Variants in SLC24A3 observed in about 807,000 individuals in gnomAD.
SLC24A3 encodes the protein sodium/potassium/calcium exchanger 3.
Under a neutral mutation model 75.8 loss-of-function variants are expected in SLC24A3, and 28 were observed. The observed-to-expected ratio is 0.37, with a 90% CI of 0.27 to 0.51. SLC24A3 has a LOEUF of 0.51. Ranked by LOEUF, SLC24A3 falls within the 20% of genes least tolerant of loss-of-function variation. The pLI is 0.94. For missense variants in SLC24A3, 663 were observed against 847.8 expected, an observed-to-expected ratio of 0.78 and a Z score of 2.71; for synonymous variants, 372 against 334.1, an observed-to-expected ratio of 1.11 and a Z score of -1.24.
chr20:19,427,032 T>C (rs1987018860), intron 2 of SLC24A3, among the ~76,000 whole-genome samples: 1 of 152,102 alleles, frequency 6.6e-6, no homozygotes, highest in African/African-American at 2.4e-5. Context: ...AAGATATGCA[T>C]GTATGTGTGT....
chr20:19,352,055 A>C (rs937788122), intron 2 of SLC24A3, among the ~76,000 whole-genome samples: 68 of 134,938 alleles, frequency 5.0e-4, no homozygotes, highest in Non-Finnish European at 2.0e-4. Context: ...AGGACAGGGC[A>C]GGGGAGGGGC....
At chr20:19,628,189 C>A (rs6046212) in intron 6 of SLC24A3, among the ~76,000 whole-genome samples, 2 of 123,336 alleles carry the variant, frequency 1.6e-5, no homozygotes, top group Non-Finnish European at 3.2e-5. Flanking sequence ...GGCGACACAG[C>A]GAGACTCCAT....
intron 2 of SLC24A3, among the ~76,000 whole-genome samples, chr20:19,300,868 C>T (rs780506066): frequency 6.6e-6 from 1 of 152,092 alleles, no homozygotes. Context: ...CACTGTCTGG[C>T]TGCGAGAAGT....
chr20:19,319,696 G>A (rs1370847993), intron 2 of SLC24A3, among the ~76,000 whole-genome samples: 2 of 152,214 alleles, frequency 1.3e-5, no homozygotes, highest in Admixed American at 1.3e-4. Flanking sequence ...AATGGGCCAT[G>A]GGGGAGGCGG....
chr20:19,564,704 C>T lies in SLC24A3; in HGVS notation c.349-15296C>T, dbSNP rs373783375. Reference sequence around the variant, plus strand: ...TCATACACAATCTACATACTAGCAACAGTGAATAATTTGTAGTTTTCAAGA... The same window carrying T: ...TCATACACAATCTACATACTAGCAATAGTGAATAATTTGTAGTTTTCAAGA... On this transcript the variant is annotated intron_variant, in intron 3 of 16. Transcript: ENST00000328041. Among the ~76,000 whole-genome samples, 10 of 152,212 alleles carry T rather than the reference C, an allele frequency of 6.6e-5. No individual in the cohort carries two copies. In the East Asian group the frequency reaches 1.3e-3, roughly 21 times the overall value.
At chr20:19,658,909 C>T (rs2032295343) in intron 7 of SLC24A3, among the ~76,000 whole-genome samples, 1 of 152,196 alleles carries the variant, frequency 6.6e-6, no homozygotes, top group Non-Finnish European at 1.5e-5. Flanking sequence ...GTCTTTTCTC[C>T]AAATTCCAGC....
chr20:19,642,847 T>C (rs1280367492), intron 6 of SLC24A3, among the ~76,000 whole-genome samples: 7 of 152,264 alleles, frequency 4.6e-5, no homozygotes, highest in Non-Finnish European at 7.3e-5. Context: ...CTCTCTTCTT[T>C]ATTGTCCAAC....
At chr20:19,466,631 C>T (rs1039690689) in intron 2 of SLC24A3, among the ~76,000 whole-genome samples, 3 of 152,044 alleles carry the variant, frequency 2.0e-5, no homozygotes, top group Non-Finnish European at 2.9e-5. Flanking sequence ...TCTGATAAGT[C>T]GCCACAGGAT....
chr20:19,631,166 A>C (rs1326957720), intron 6 of SLC24A3, among the ~76,000 whole-genome samples: 1 of 152,140 alleles, frequency 6.6e-6, no homozygotes, highest in Non-Finnish European at 1.5e-5. Flanking sequence ...CAACATGGTG[A>C]AACACTGTCT....
chr20:19,511,551 T>A (rs1296944622), intron 2 of SLC24A3, among the ~76,000 whole-genome samples: 1 of 152,058 alleles, frequency 6.6e-6, no homozygotes, highest in Non-Finnish European at 1.5e-5. Flanking sequence ...ATGGTCTCAA[T>A]CTCCTGACCT....
chr20:19,630,932 C>T (rs986223490), intron 6 of SLC24A3, among the ~76,000 whole-genome samples: 1 of 152,128 alleles, frequency 6.6e-6, no homozygotes, highest in Non-Finnish European at 1.5e-5. Context: ...GGGTGGAGCA[C>T]GTTAGCTGCT....
rs142076180 is a variant in SLC24A3, at chr20:19,564,887, C to T, written c.349-15113C>T. On this transcript the variant is annotated intron_variant, in intron 3 of 16. Transcript: ENST00000328041. ...TTATCTTCTCACTCTCAGCTCACTG[C>T]AACCTTTGCCTCCTGGGTTCAAGCA... 8.4e-4 allele frequency among the ~76,000 whole-genome samples: 128 copies of T among 152,364 alleles called. 1 individual carries two copies. Among genetic ancestry groups the T allele is most frequent in the South Asian group, 6.2e-3 (30 of 4,826 alleles).
intron 6 of SLC24A3, among the ~76,000 whole-genome samples, chr20:19,607,165 C>T (rs1453659888): frequency 1.3e-5 from 2 of 152,150 alleles, no homozygotes; most frequent in Non-Finnish European, 2.9e-5. Context: ...CTTTAGACTC[C>T]CCATAGTTCT....
chr20:19,325,949 C>T (rs6081571), intron 2 of SLC24A3, among the ~76,000 whole-genome samples: 70,782 of 150,740 alleles, frequency 0.47, 18,620 homozygotes, highest in African/African-American at 0.71. Context: ...TTTTAAAGAA[C>T]TTTATACACG....
intron 8 of SLC24A3, among the ~76,000 whole-genome samples, chr20:19,670,411 A>G (rs2032452796): frequency 6.6e-6 from 1 of 152,160 alleles, no homozygotes; most frequent in Non-Finnish European, 1.5e-5. Flanking sequence ...AAGGAATCTC[A>G]TCCTACAGGC....
intron 3 of SLC24A3, among the ~76,000 whole-genome samples, chr20:19,575,496 A>C (rs1374620422): frequency 6.6e-6 from 1 of 152,236 alleles, no homozygotes; most frequent in African/African-American, 2.4e-5. Context: ...TCAAGGCCAA[A>C]GCAGATTCCC....
At chr20:19,340,957 G>A (rs1985259375) in intron 2 of SLC24A3, among the ~76,000 whole-genome samples, 1 of 152,218 alleles carries the variant, frequency 6.6e-6, no homozygotes, top group African/African-American at 2.4e-5. Flanking sequence ...AGGAGGCAGT[G>A]ACTTGTACAC....
intron 1 of SLC24A3, among the ~76,000 whole-genome samples, chr20:19,215,485 T>G (rs1429502858): frequency 1.3e-5 from 2 of 152,158 alleles, no homozygotes; most frequent in Non-Finnish European, 2.9e-5. Flanking sequence ...AGGTAATATT[T>G]TCATTTAGTC....
chr20:19,665,510 G>A (rs2032387710), intron 7 of SLC24A3, among the ~76,000 whole-genome samples: 1 of 152,184 alleles, frequency 6.6e-6, no homozygotes, highest in Non-Finnish European at 1.5e-5. Context: ...TCCCCTTGCA[G>A]ATCTAAGATT....
Sources: allele counts gnomAD v4.1 joint callset (sites outside exome capture counted in the v4.1 genomes callset), GRCh38; gene constraint gnomAD v4.1.1; transcripts MANE v1.5; gene names NCBI Gene and HGNC (gene_info 2026-07-23, HGNC 2026-07-21).